Variants in SHISA6 observed in about 807,000 individuals in gnomAD.
The protein encoded by SHISA6 is protein shisa-6.
In SHISA6, 22 loss-of-function variants were observed where a neutral mutation model predicts 47.9. The observed-to-expected ratio is 0.46, with a 90% CI of 0.33 to 0.66. The LOEUF is 0.66. Ranked by LOEUF, SHISA6 falls within the 30% of genes least tolerant of loss-of-function variation. The pLI is 0.02. For missense variants in SHISA6, 680 were observed against 764.6 expected, an observed-to-expected ratio of 0.89 and a Z score of 1.30; for synonymous variants, 388 against 337.8, an observed-to-expected ratio of 1.15 and a Z score of -1.63.
chr17:11,401,721 T>C (rs1913780379), intron 3 of SHISA6, among the ~76,000 whole-genome samples: 1 of 152,182 alleles, frequency 6.6e-6, no homozygotes, highest in African/African-American at 2.4e-5. Flanking sequence ...GACAATCCTT[T>C]AAAGCAAATA....
intron 2 of SHISA6, among the ~76,000 whole-genome samples, chr17:11,278,977 T>C (rs1380896516): frequency 6.6e-6 from 1 of 152,078 alleles, no homozygotes; most frequent in Non-Finnish European, 1.5e-5. Flanking sequence ...TTCGGGGCCA[T>C]TTAAGAGTGA....
intron 2 of SHISA6, among the ~76,000 whole-genome samples, chr17:11,332,419 T>C (rs1911153178): frequency 6.6e-6 from 1 of 152,124 alleles, no homozygotes; most frequent in Non-Finnish European, 1.5e-5. Context: ...TCTGGACACT[T>C]AAGAATAAAC....
chr17:11,418,678 G>C (rs149224399), intron 3 of SHISA6, among the ~76,000 whole-genome samples: 29 of 152,120 alleles, frequency 1.9e-4, no homozygotes, highest in Non-Finnish European at 3.5e-4. Flanking sequence ...CTGCATTGGC[G>C]TAAGCATATT....
At chr17:11,276,286 A>C (rs1908887789) in intron 2 of SHISA6, among the ~76,000 whole-genome samples, 1 of 151,972 alleles carries the variant, frequency 6.6e-6, no homozygotes, top group Non-Finnish European at 1.5e-5. Flanking sequence ...CTGAGACTAG[A>C]TTCTGGAGGG....
At chr17:11,521,484 T>G (rs1247069529) in intron 3 of SHISA6, among the ~76,000 whole-genome samples, 1 of 152,116 alleles carries the variant, frequency 6.6e-6, no homozygotes, top group East Asian at 1.9e-4. Flanking sequence ...TATCAAATAC[T>G]AGTGATGAAG....
chr17:11,488,777 G>A (rs575125242), intron 3 of SHISA6, among the ~76,000 whole-genome samples: 3 of 152,318 alleles, frequency 2.0e-5, no homozygotes, highest in East Asian at 1.9e-4. Context: ...TCTGATGGAC[G>A]CACTTGAATT....
At position 11,522,099 on chromosome 17, in the gene SHISA6, G is replaced by A. The variant is rs144828407; in HGVS notation, c.896-29797G>A. On this transcript the variant is annotated intron_variant, in intron 3 of 5. Transcript: ENST00000441885. ...TCCTGCCTCAGCCTCCCGAGTAGCT[G>A]GGACTACAGGCACCCACCACCACGC... Among the ~76,000 whole-genome samples, 738 of 151,994 alleles carry A rather than the reference G, an allele frequency of 4.9e-3. 21 individuals carry two copies. The East Asian group carries it at 0.086, about 18-fold the overall frequency.
chr17:11,367,131 G>A (rs1316182359), intron 2 of SHISA6, among the ~76,000 whole-genome samples: 1 of 152,206 alleles, frequency 6.6e-6, no homozygotes, highest in Admixed American at 6.5e-5. Flanking sequence ...AAGGACAGTG[G>A]AGAAATGGGA....
intron 1 of SHISA6, among the ~76,000 whole-genome samples, chr17:11,250,470 G>T (rs1907757706): frequency 1.3e-5 from 2 of 152,210 alleles, no homozygotes; most frequent in African/African-American, 4.8e-5. Flanking sequence ...TGGATGAATT[G>T]ATCACCGAAA....
intron 3 of SHISA6, among the ~76,000 whole-genome samples, chr17:11,399,901 A>G (rs550702642): frequency 4.6e-5 from 7 of 152,330 alleles, no homozygotes; most frequent in East Asian, 1.9e-4. Flanking sequence ...TTAAATCTCC[A>G]TAACTAAGGG....
chr17:11,419,687 T>C (rs898099978), intron 3 of SHISA6, among the ~76,000 whole-genome samples: 12 of 152,198 alleles, frequency 7.9e-5, no homozygotes, highest in Non-Finnish European at 1.0e-4. Flanking sequence ...AAGCTGTACA[T>C]GTAATCAGAT....
intron 2 of SHISA6, among the ~76,000 whole-genome samples, chr17:11,300,563 C>T (rs920240028): frequency 6.6e-6 from 1 of 152,166 alleles, no homozygotes; most frequent in African/African-American, 2.4e-5. Flanking sequence ...ACATCCAAGA[C>T]ACCCGTGGCA....
At chr17:11,281,608 G>A (rs1426775604) in intron 2 of SHISA6, among the ~76,000 whole-genome samples, 3 of 152,016 alleles carry the variant, frequency 2.0e-5, no homozygotes, top group African/African-American at 7.2e-5. Context: ...TTGGTCCATA[G>A]TTCTGTTTTC....
chr17:11,386,126 T>C (rs1016544758), intron 3 of SHISA6, among the ~76,000 whole-genome samples: 2 of 151,974 alleles, frequency 1.3e-5, no homozygotes, highest in African/African-American at 4.8e-5. Context: ...TAATAAAAAG[T>C]TACAAGTGGG....
At chr17:11,327,907 C>A (rs552061391) in intron 2 of SHISA6, among the ~76,000 whole-genome samples, 5 of 151,012 alleles carry the variant, frequency 3.3e-5, no homozygotes, top group Non-Finnish European at 7.4e-5. Flanking sequence ...GAAGCATTTT[C>A]TCTCTCTCTC....
intron 2 of SHISA6, among the ~76,000 whole-genome samples, chr17:11,351,878 G>A (rs1289244632): frequency 1.3e-5 from 2 of 152,218 alleles, no homozygotes; most frequent in African/African-American, 4.8e-5. Flanking sequence ...AACCAATGAT[G>A]ACCTATAGGT....
At chr17:11,355,717 A>G (rs1181573082) in intron 2 of SHISA6, among the ~76,000 whole-genome samples, 4 of 152,226 alleles carry the variant, frequency 2.6e-5, no homozygotes, top group African/African-American at 9.6e-5. Context: ...CTGGAAAGGG[A>G]ACGGATGAGC....
At chr17:11,277,318 A>ACACC (rs1389004430) in intron 2 of SHISA6, among the ~76,000 whole-genome samples, 88 of 128,044 alleles carry the variant, frequency 6.9e-4, no homozygotes, top group Middle Eastern at 4.0e-3. Flanking sequence ...ACACACACAC[A>ACACC]CCCCGCATGT....
At chr17:11,359,347 G>T (rs1912186218) in intron 2 of SHISA6, among the ~76,000 whole-genome samples, 1 of 152,088 alleles carries the variant, frequency 6.6e-6, no homozygotes, top group African/African-American at 2.4e-5. Context: ...ATATTTGTTT[G>T]CAAGGAATGC....
Sources: gnomAD v4.1 joint callset for allele counts (sites outside exome capture counted in the v4.1 genomes callset) on GRCh38, gnomAD v4.1.1 for gene constraint, MANE v1.5 for transcripts, NCBI Gene and HGNC (gene_info 2026-07-23, HGNC 2026-07-21) for gene names.